The following ZBTB16 variants were observed in gnomAD, a reference collection of about 807,000 sequenced individuals.
ZBTB16 encodes the protein zinc finger and BTB domain containing 16.
A neutral mutation model predicts 56.8 loss-of-function variants in ZBTB16; 8 were observed. The observed-to-expected ratio is 0.14, with a 90% CI of 0.08 to 0.25. ZBTB16 has a LOEUF of 0.25. Among genes scored for constraint, ZBTB16 ranks in the 10% least tolerant of loss-of-function variants. The probability of loss-of-function intolerance (pLI) is 1.00; values close to 1 mark genes in which losing one functional copy is unlikely to be tolerated. For synonymous variants in ZBTB16, 363 were observed against 368.5 expected (o/e 0.98, Z 0.17); for missense variants, 625 against 903.0 (o/e 0.69, Z 3.95).
At chr11:114,225,037 G>A (rs1054144554) in intron 4 of ZBTB16, among the ~76,000 whole-genome samples, 1 of 152,116 alleles carries the variant, frequency 6.6e-6, no homozygotes, top group African/African-American at 2.4e-5. Flanking sequence ...TAGTTAGACC[G>A]ATCCAAGCTT....
chr11:114,200,294 AG>A (rs1254202037), intron 4 of ZBTB16, among the ~76,000 whole-genome samples: 3 of 152,202 alleles, frequency 2.0e-5, no homozygotes. Context: ...CACTTTATTT[AG>A]TAGCTTATTC....
In ZBTB16 at chr11:114,204,154, C is replaced by CTT. The variant is rs745498133; in HGVS notation, c.1453+17130_1453+17131dup. 1.5e-4 allele frequency among the ~76,000 whole-genome samples: 21 copies of CTT among 143,870 alleles called. 1 individual carries two copies. Among genetic ancestry groups the CTT allele is most frequent in the Non-Finnish European group, 1.8e-4 (12 of 65,240 alleles). The allele number at this position is 143,870 out of a possible 152,430, so 94.4% of individuals were successfully genotyped here. The stretch of plus-strand genomic sequence containing the variant: ...AAATATGTTCTCTGTGTCCCACTAT[C>CTT]TTTTTTTTTTTTTTTCTGAGACACA... On this transcript the variant is annotated intron_variant, in intron 4 of 6. Transcript: ENST00000335953.
At chr11:114,095,226 ATTTCTTTTCT>A (rs1416398005) in intron 2 of ZBTB16, among the ~76,000 whole-genome samples, 117 of 67,676 alleles carry the variant, frequency 1.7e-3, no homozygotes, top group African/African-American at 6.2e-3. Context: ...TATGTAACCA[ATTTCTTTTCT>A]TTTCTTTTCT....
At chr11:114,150,835 C>T (rs571062952) in intron 2 of ZBTB16, among the ~76,000 whole-genome samples, 55 of 152,292 alleles carry the variant, frequency 3.6e-4, no homozygotes, top group Admixed American at 2.5e-3. Context: ...GTTGCTTTTG[C>T]GGCTGAGAGC....
intron 4 of ZBTB16, among the ~76,000 whole-genome samples, chr11:114,226,723 C>T (rs148146508): frequency 1.3e-5 from 2 of 152,228 alleles, no homozygotes; most frequent in African/African-American, 4.8e-5. Context: ...CCTGACATGA[C>T]CTTGAACTCC....
intron 3 of ZBTB16, among the ~76,000 whole-genome samples, chr11:114,156,730 T>A (rs1286445606): frequency 1.3e-5 from 2 of 152,182 alleles, no homozygotes; most frequent in Admixed American, 1.3e-4. Context: ...AGTGGAACAG[T>A]TGTGGAATTA....
At chr11:114,084,686 C>T (rs1390090018) in intron 2 of ZBTB16, among the ~76,000 whole-genome samples, 1 of 152,174 alleles carries the variant, frequency 6.6e-6, no homozygotes, top group Admixed American at 6.5e-5. Flanking sequence ...CCTCCAAGCC[C>T]AGATTAGACA....
chr11:114,199,489 G>A (rs547272152), intron 4 of ZBTB16, among the ~76,000 whole-genome samples: 13 of 152,342 alleles, frequency 8.5e-5, no homozygotes, highest in Non-Finnish European at 1.5e-4. Context: ...GCCCTTCCCC[G>A]GCCTCCCACC....
rs1226111136 is a variant in ZBTB16, at chr11:114,060,127, T to G, written c.-91+245T>G. On this transcript the variant is annotated intron_variant, in intron 1 of 6. Coordinates refer to ENST00000335953, the MANE Select transcript of ZBTB16 (RefSeq NM_006006.6). This position sits in a 1 kb window ranked among gnomAD's most constrained non-coding sequence, Gnocchi z 6.0. ...CAGCTGCCTCCCCAGCCCTTCCTCTTCAGGGCACGGTCGGGGTGAGAGGTG... is the reference window on the plus strand; with the variant it reads ...CAGCTGCCTCCCCAGCCCTTCCTCTGCAGGGCACGGTCGGGGTGAGAGGTG... 1 of 218,886 alleles carries G rather than the reference T, an allele frequency of 4.6e-6. No individual in the cohort carries two copies. The allele number at this position is 218,886 out of a possible 1,614,324, so 13.6% of individuals were successfully genotyped here. A position where few individuals can be genotyped will look rare whatever the true frequency, so the allele number is the denominator to read the frequency against.
At chr11:114,098,159 T>G (rs1940485565) in intron 2 of ZBTB16, among the ~76,000 whole-genome samples, 1 of 152,142 alleles carries the variant, frequency 6.6e-6, no homozygotes, top group Non-Finnish European at 1.5e-5. Flanking sequence ...TAAAGACCCA[T>G]AAGGAAATTC....
At chr11:114,125,030 C>T (rs529738362) in intron 2 of ZBTB16, among the ~76,000 whole-genome samples, 7 of 152,062 alleles carry the variant, frequency 4.6e-5, no homozygotes, top group Non-Finnish European at 7.4e-5. Context: ...ACCCTCTTCT[C>T]GGGGTCAGCC....
chr11:114,220,097 G>T (rs190370269), intron 4 of ZBTB16, among the ~76,000 whole-genome samples: 186 of 152,348 alleles, frequency 1.2e-3, no homozygotes, highest in African/African-American at 4.4e-3. Context: ...ATGAAGGAAA[G>T]TGTGAAGATT....
At chr11:114,136,359 T>C (rs1941798138) in intron 2 of ZBTB16, among the ~76,000 whole-genome samples, 1 of 152,120 alleles carries the variant, frequency 6.6e-6, no homozygotes, top group African/African-American at 2.4e-5. Flanking sequence ...CTGGCTTCAG[T>C]CTCTCCAGAT....
chr11:114,161,770 G>A (rs1321950186), intron 3 of ZBTB16, among the ~76,000 whole-genome samples: 1 of 152,220 alleles, frequency 6.6e-6, no homozygotes. Context: ...GACTGAGTAA[G>A]AGGGTGACAT....
intron 4 of ZBTB16, among the ~76,000 whole-genome samples, chr11:114,222,332 C>A (rs1022449498): frequency 6.6e-6 from 1 of 152,140 alleles, no homozygotes; most frequent in Admixed American, 6.5e-5. Flanking sequence ...CTCCCCCAAC[C>A]CCCAAAATAT....
In ZBTB16 at chr11:114,219,015, C is replaced by CGTGT. The variant is rs149925140; in HGVS notation, c.1454-23140_1454-23137dup. On this transcript the variant is annotated intron_variant, in intron 4 of 6. Transcript: ENST00000335953. ...TTGGCACAAGGCGTAAAGTGAGAGC[C>CGTGT]GTGTGTGTGTGTGTGCATGTGCGTG... Among the ~76,000 whole-genome samples the CGTGT allele has an allele frequency of 2.0e-5, 3 of 151,428 alleles. No individual in the cohort carries two copies. In the East Asian group the frequency reaches 5.8e-4, roughly 29 times the overall value.
At chr11:114,233,123 A>ACT (rs1170603226) in intron 4 of ZBTB16, among the ~76,000 whole-genome samples, 25 of 52,140 alleles carry the variant, frequency 4.8e-4, no homozygotes, top group East Asian at 2.8e-3. Flanking sequence ...ACACACACAC[A>ACT]CACTCTCTCT....
chr11:114,229,750 T>C (rs1027861039), intron 4 of ZBTB16, among the ~76,000 whole-genome samples: 23 of 152,240 alleles, frequency 1.5e-4, no homozygotes, highest in Admixed American at 6.5e-5. Flanking sequence ...TTGAGTTAGC[T>C]AAAAGAGAGT....
At chr11:114,237,330 G>A (rs73564866) in intron 4 of ZBTB16, 7,912 of 152,268 alleles carry the variant, frequency 0.052, 323 homozygotes, top group African/African-American at 0.11. Context: ...TGACTTGCTC[G>A]GGGCCACAAG....
Sources: allele counts gnomAD v4.1 joint callset (sites outside exome capture counted in the v4.1 genomes callset), GRCh38; gene constraint gnomAD v4.1.1; non-coding constraint Gnocchi (gnomAD v3.1); transcripts MANE v1.5; gene names NCBI Gene and HGNC (gene_info 2026-07-23, HGNC 2026-07-21).